Variants in DOP1A observed in about 807,000 individuals in gnomAD.
DOP1A encodes DOP1 leucine zipper like protein A.
DOP1A carries 90 observed loss-of-function variants against 267.6 expected under a neutral mutation model. That is an observed-to-expected ratio of 0.34 (90% CI 0.28 to 0.40). DOP1A has a LOEUF of 0.40. Ranked by LOEUF, DOP1A falls within the 10% of genes least tolerant of loss-of-function variation. The pLI, the probability that DOP1A is intolerant of heterozygous loss-of-function variation, is 1.00. For synonymous variants in DOP1A, 932 were observed against 999.1 expected (o/e 0.93, Z 1.27); for missense variants, 2,437 against 2,900.4 (o/e 0.84, Z 3.67).
At chr6:83,152,058 C>G (rs754735038) in intron 29 of DOP1A, 31 bp downstream of exon 29, 11 of 1,612,042 alleles carry the variant, frequency 6.8e-6, no homozygotes, top group Admixed American at 1.7e-5. Flanking sequence ...GGTTTATTAT[C>G]TGTAAGCAGG....
At position 83,145,531 on chromosome 6, in the gene DOP1A, C is replaced by A; in HGVS notation, c.5549C>A (p.Pro1850His). 1 of 1,594,166 alleles carries A rather than the reference C, an allele frequency of 6.3e-7. No homozygotes were observed. Among genetic ancestry groups the A allele is most frequent in the East Asian group, 2.3e-5 (1 of 42,958 alleles). The change falls in exon 25 of 39, where the codon CCT (proline) becomes CAT (histidine). Residue 1850 changes from proline to histidine, a missense_variant. Coordinates refer to ENST00000349129, the MANE Select transcript of DOP1A (RefSeq NM_015018.4). ...CAATGATTTATTACCTAGGTCATTC[C>A]TGCAGCCAGTGAAGAACAGCTTTTA... ...NKTTTRTKVI[P>H]AASEEQLLLV...
intron 5 of DOP1A, 32 bp downstream of exon 5, chr6:83,109,112 G>T (rs1248230347): frequency 6.3e-7 from 1 of 1,592,096 alleles, no homozygotes; most frequent in South Asian, 1.1e-5. Flanking sequence ...TTATGTAATT[G>T]AAGTCATGGA....
chr6:83,118,933 G>A lies in DOP1A; in HGVS notation c.826G>A (p.Val276Ile). The change falls in exon 8 of 39, where the codon GTA becomes ATA. Residue 276 changes from valine to isoleucine, a missense_variant. Val to Ile is a conservative substitution (Grantham distance 29). This residue lies in a region of DOP1A where 251 missense variants were observed against 359.1 expected (regional missense o/e 0.70). Transcript: ENST00000349129. ...CAGGATCTTGTCAGCAGCCCTTCATGTAGTGCTAAGGAGGGATATGTCTCT... is the reference window on the plus strand; with the variant it reads ...CAGGATCTTGTCAGCAGCCCTTCATATAGTGCTAAGGAGGGATATGTCTCT... ...MIRILSAALH[V>I]VLRRDMSLNR... 1.9e-6 allele frequency: 3 copies of A among 1,613,654 alleles called. No homozygotes were observed. Among genetic ancestry groups the A allele is most frequent in the Non-Finnish European group, 2.5e-6 (3 of 1,179,676 alleles).
intron 36 of DOP1A, 67 bp downstream of exon 36, chr6:83,158,689 C>A: frequency 9.3e-7 from 1 of 1,075,512 alleles, no homozygotes; most frequent in East Asian, 2.5e-5. Context: ...GAATATTACT[C>A]AGCATCTAGG....
intron 16 of DOP1A, 151 bp from the exon 17 acceptor site, chr6:83,129,972 A>G (rs1777772052): frequency 1.1e-6 from 1 of 883,766 alleles, no homozygotes; most frequent in Non-Finnish European, 1.7e-6. Flanking sequence ...TTGCTACTTT[A>G]TTAAAGCTCT....
At position 83,122,969 on chromosome 6, in the gene DOP1A, G is replaced by A; in HGVS notation, c.1327G>A (p.Glu443Lys). The change falls in exon 12 of 39, where the codon GAA (glutamate) becomes AAA (lysine). Residue 443 changes from glutamate (E) to lysine (K), a missense_variant. By Grantham distance (56) the Glu-to-Lys change is moderately conservative. This residue lies in a region of DOP1A where 498 missense variants were observed against 513.5 expected (regional missense o/e 0.97). Coordinates refer to ENST00000349129, the MANE Select transcript of DOP1A (RefSeq NM_015018.4). ...GTGGGATTATGTTGCACGCTGGTTT[G>A]AAGAATGTTGTAGGTATGTTAAACT... The part of the protein sequence containing the change: ...YMWDYVARWF[E>K]ECCRRTLHVR... 1 of 1,580,746 alleles carries A rather than the reference G, an allele frequency of 6.3e-7. No individual in the cohort carries two copies. Among genetic ancestry groups the A allele is most frequent in the South Asian group, 1.2e-5 (1 of 83,568 alleles).
At chr6:83,154,318 G>A in intron 33 of DOP1A, 77 bp downstream of exon 33, 1 of 1,267,772 alleles carries the variant, frequency 7.9e-7, no homozygotes, top group Admixed American at 1.8e-5. Context: ...ACTCTTTTCT[G>A]GAGACTAGGA....
In DOP1A at chr6:83,155,823, G is replaced by A. The variant is rs1562376973; in HGVS notation, c.6452-128G>A. 5.6e-6 allele frequency: 6 copies of A among 1,071,388 alleles called. No individual in the cohort carries two copies. The South Asian group carries it at 8.7e-5, about 16-fold the overall frequency. 66.4% of individuals were successfully genotyped at this position (1,071,388 alleles called of 1,614,324 possible). ...GCCAGCCTGTCTGCCCCAGAGAGGG[G>A]CATCAAGTTTTGTACCCCAAGCTCC... On this transcript the variant is annotated intron_variant, in intron 33 of 38. Transcript: ENST00000349129.
intron 1 of DOP1A, among the ~76,000 whole-genome samples, chr6:83,096,109 GT>G (rs1330275508): frequency 6.6e-6 from 1 of 151,888 alleles, no homozygotes; most frequent in Non-Finnish European, 1.5e-5. Flanking sequence ...TTGTGGATTT[GT>G]TTTTTTGCTT....
chr6:83,129,108 A>G lies in DOP1A; in HGVS notation c.1941A>G (p.Glu647=), dbSNP rs1777637777. Residue 647 remains glutamate, a synonymous_variant, in exon 16 of 39, where the codon GAA becomes GAG. Coordinates refer to ENST00000349129, the MANE Select transcript of DOP1A (RefSeq NM_015018.4). ...AAACAGCATCCACTGTGGGATCTGA[A>G]GAAACCATCATCCAGACCCCTTCCG... ...ETETASTVGS[E]ETIIQTPSVV... 1.2e-6 allele frequency: 2 copies of G among 1,614,084 alleles called. No homozygotes were observed. Among genetic ancestry groups the G allele is most frequent in the East Asian group, 4.5e-5 (2 of 44,862 alleles).
chr6:83,167,664 G>C, intron 38 of DOP1A, 198 bp from the exon 39 acceptor site: 2 of 1,354,340 alleles, frequency 1.5e-6, no homozygotes, highest in Non-Finnish European at 9.5e-7. Flanking sequence ...TACAATGTTA[G>C]ACTGCTCCAT....
intron 17 of DOP1A, among the ~76,000 whole-genome samples, chr6:83,131,028 CTT>C (rs1220792134): frequency 2.0e-5 from 3 of 152,038 alleles, no homozygotes; most frequent in African/African-American, 4.8e-5. Flanking sequence ...GTGAGCAACA[CTT>C]TTGCTTTTCA....
At chr6:83,162,591 T>A (rs1023928982) in intron 37 of DOP1A, among the ~76,000 whole-genome samples, 199 bp from the exon 38 acceptor site, 1 of 152,162 alleles carries the variant, frequency 6.6e-6, no homozygotes, top group Non-Finnish European at 1.5e-5. Flanking sequence ...TATGAGGTAG[T>A]TAATAGTATC....
chr6:83,086,806 A>G (rs1275018538), intron 1 of DOP1A, among the ~76,000 whole-genome samples: 3 of 152,234 alleles, frequency 2.0e-5, no homozygotes, highest in Non-Finnish European at 4.4e-5. Flanking sequence ...AGGAAAAAAT[A>G]GCAAATATAG....
intron 18 of DOP1A, 44 bp downstream of exon 18, chr6:83,132,372 C>A: frequency 6.6e-7 from 1 of 1,513,088 alleles, no homozygotes; most frequent in Non-Finnish European, 8.9e-7. Context: ...CCGCCACACA[C>A]ACACACACAC....
chr6:83,118,350 G>T (rs1194532957), intron 7 of DOP1A, among the ~76,000 whole-genome samples: 2 of 152,038 alleles, frequency 1.3e-5, no homozygotes, highest in Non-Finnish European at 2.9e-5. Flanking sequence ...CTCTTAAAAA[G>T]AAATGGAACA....
intron 1 of DOP1A, among the ~76,000 whole-genome samples, chr6:83,068,454 C>A (rs575651424): frequency 5.8e-4 from 89 of 152,306 alleles, no homozygotes; most frequent in African/African-American, 2.0e-3. Flanking sequence ...AACTATTTTT[C>A]TTAAGCTAAG....
At chr6:83,110,027 G>A (rs1562307721) in intron 5 of DOP1A, 98 bp from the exon 6 acceptor site, 1 of 1,261,782 alleles carries the variant, frequency 7.9e-7, no homozygotes, top group African/African-American at 1.5e-5. Flanking sequence ...TATGACTGTA[G>A]CATGGGTGTT....
chr6:83,166,291 T>C, intron 38 of DOP1A: 1 of 604,970 alleles, frequency 1.7e-6, no homozygotes, highest in East Asian at 2.8e-5. Flanking sequence ...TCAGCTTCGA[T>C]GATGTTCTCA....
Sources: allele counts gnomAD v4.1 joint callset (sites outside exome capture counted in the v4.1 genomes callset), GRCh38; gene constraint gnomAD v4.1.1; regional missense constraint gnomAD v4.1.1; transcripts MANE v1.5; gene names NCBI Gene and HGNC (gene_info 2026-07-23, HGNC 2026-07-21).